Variants in TBC1D1 observed in about 807,000 individuals in gnomAD.
TBC1D1 encodes the protein TBC1 (tre-2/USP6, BUB2, cdc16) domain family, member 1.
TBC1D1 carries 89 observed loss-of-function variants against 125.6 expected under a neutral mutation model. That is an observed-to-expected ratio of 0.71 (90% CI 0.60 to 0.85). The LOEUF (loss-of-function observed/expected upper bound fraction) is 0.85. Ranked by LOEUF, TBC1D1 falls within the 40% of genes least tolerant of loss-of-function variation. The probability of loss-of-function intolerance (pLI) is 0.00; values close to 1 mark genes in which losing one functional copy is unlikely to be tolerated. For synonymous variants in TBC1D1, 565 were observed against 564.1 expected, an observed-to-expected ratio of 1.00 and a Z score of -0.02; for missense variants, 1,377 against 1,469.2, an observed-to-expected ratio of 0.94 and a Z score of 1.03.
chr4:38,056,281 C>T (rs1751691819), intron 12 of TBC1D1, among the ~76,000 whole-genome samples: 1 of 152,204 alleles, frequency 6.6e-6, no homozygotes, highest in South Asian at 2.1e-4. Flanking sequence ...TTGGGAACCC[C>T]TGGTCCGAGT....
At position 38,014,440 on chromosome 4, in the gene TBC1D1, T is replaced by A. The variant is rs559625923; in HGVS notation, c.418-69T>A. On this transcript the variant is annotated intron_variant, in intron 2 of 19. Coordinates refer to ENST00000261439, the MANE Select transcript of TBC1D1 (RefSeq NM_015173.4). This position sits in a 1 kb window ranked among gnomAD's most constrained non-coding sequence, Gnocchi z 5.1. ...GCCAGCGGGGCGTCCCGAAAGAGCATGGTGCATTCATTCCGTGAGTGCCAG... is the reference window on the plus strand; with the variant it reads ...GCCAGCGGGGCGTCCCGAAAGAGCAAGGTGCATTCATTCCGTGAGTGCCAG... The A allele has an allele frequency of 1.8e-3, 2,646 of 1,481,182 alleles. 5 individuals carry two copies. Among genetic ancestry groups the A allele is most frequent in the Non-Finnish European group, 2.2e-3 (2,366 of 1,073,454 alleles). 91.8% of individuals were successfully genotyped at this position (1,481,182 alleles called of 1,614,324 possible).
At chr4:37,996,042 C>A in intron 2 of TBC1D1, 1 of 514,672 alleles carries the variant, frequency 1.9e-6, no homozygotes, top group Non-Finnish European at 3.9e-6. Context: ...GGAGGTCAGG[C>A]AGCTACAATG....
chr4:38,000,740 A>G (rs1738887362), intron 2 of TBC1D1, among the ~76,000 whole-genome samples: 1 of 152,124 alleles, frequency 6.6e-6, no homozygotes, highest in Admixed American at 6.5e-5. Flanking sequence ...AAATTCTGAC[A>G]CTAACAACCT....
intron 2 of TBC1D1, among the ~76,000 whole-genome samples, chr4:37,989,949 A>G (rs1736218743): frequency 6.6e-6 from 1 of 152,248 alleles, no homozygotes; most frequent in African/African-American, 2.4e-5. Flanking sequence ...AGAGTTTCCA[A>G]TTTTGGAATA....
At chr4:37,897,060 A>G (rs1417138682) in intron 1 of TBC1D1, among the ~76,000 whole-genome samples, 2 of 152,160 alleles carry the variant, frequency 1.3e-5, no homozygotes, top group East Asian at 1.9e-4. Context: ...TTGGAATCAC[A>G]GTATTTCTTG....
At position 38,071,084 on chromosome 4, in the gene TBC1D1, C is replaced by A. The variant is rs1283214023; in HGVS notation, c.2050+16746C>A. 2.0e-5 allele frequency among the ~76,000 whole-genome samples: 3 copies of A among 152,274 alleles called. No individual in the cohort carries two copies. In the South Asian group the frequency reaches 6.2e-4, roughly 32 times the overall value. On this transcript the variant is annotated intron_variant, in intron 12 of 19. Coordinates refer to ENST00000261439, the MANE Select transcript of TBC1D1 (RefSeq NM_015173.4). Reference sequence around the variant, plus strand: ...GTGATTTGAGCTGAGAACATGGAACCCTTGATTTGCAGAAATCAAGCCCCC... The same window carrying A: ...GTGATTTGAGCTGAGAACATGGAACACTTGATTTGCAGAAATCAAGCCCCC...
intron 2 of TBC1D1, among the ~76,000 whole-genome samples, chr4:37,939,333 A>C (rs1049709284): frequency 1.3e-5 from 2 of 152,202 alleles, no homozygotes; most frequent in Non-Finnish European, 2.9e-5. Context: ...TCTTTTGAGA[A>C]GTGTCTGTTC....
chr4:38,011,952 G>T (rs1741599411), intron 2 of TBC1D1, among the ~76,000 whole-genome samples: 1 of 152,134 alleles, frequency 6.6e-6, no homozygotes, highest in Non-Finnish European at 1.5e-5. Flanking sequence ...AAATTCATGT[G>T]ACTTCACACA....
chr4:37,922,545 A>G (rs1343380228), intron 2 of TBC1D1, among the ~76,000 whole-genome samples: 1 of 152,162 alleles, frequency 6.6e-6, no homozygotes, highest in Non-Finnish European at 1.5e-5. Flanking sequence ...AGTAAGCCAG[A>G]CCACAGACCC....
At chr4:38,043,590 CAA>C (rs34854751) in intron 8 of TBC1D1, among the ~76,000 whole-genome samples, 7 of 142,652 alleles carry the variant, frequency 4.9e-5, no homozygotes, top group Non-Finnish European at 3.1e-5. Context: ...CACCCTGTCT[CAA>C]AAAAAAAAAA....
chr4:38,062,305 CT>C (rs1289080576), intron 12 of TBC1D1, among the ~76,000 whole-genome samples: 1 of 148,114 alleles, frequency 6.8e-6, no homozygotes, highest in African/African-American at 2.5e-5. Flanking sequence ...TGTTTTTGAT[CT>C]TGCTATAATA....
chr4:38,128,705 G>A (rs934503985), intron 18 of TBC1D1, among the ~76,000 whole-genome samples: 1 of 152,238 alleles, frequency 6.6e-6, no homozygotes, highest in South Asian at 2.1e-4. Flanking sequence ...AGCAGCCAGA[G>A]AGGGCAATTC....
chr4:38,119,988 A>G (rs1763585535), intron 17 of TBC1D1: 1 of 985,298 alleles, frequency 1.0e-6, no homozygotes, highest in South Asian at 4.7e-5. Context: ...AATGGGTAAA[A>G]AGACGTTAAC....
chr4:38,041,448 G>A (rs1178133951), intron 8 of TBC1D1, among the ~76,000 whole-genome samples: 2 of 152,156 alleles, frequency 1.3e-5, no homozygotes, highest in African/African-American at 4.8e-5. Context: ...ACCCAGTGAG[G>A]ACATTCCTCA....
At chr4:37,923,965 C>T (rs765988360) in intron 2 of TBC1D1, among the ~76,000 whole-genome samples, 1 of 152,230 alleles carries the variant, frequency 6.6e-6, no homozygotes, top group Non-Finnish European at 1.5e-5. Flanking sequence ...CAGGCGTGAG[C>T]CAATGCACCC....
chr4:38,100,270 ATTC>A (rs1760072774), intron 14 of TBC1D1, among the ~76,000 whole-genome samples: 1 of 152,224 alleles, frequency 6.6e-6, no homozygotes, highest in Non-Finnish European at 1.5e-5. Flanking sequence ...AGCAACAGAA[ATTC>A]TTCTCTCAGT....
At chr4:38,075,909 TC>T (rs926051698) in intron 12 of TBC1D1, among the ~76,000 whole-genome samples, 1 of 152,170 alleles carries the variant, frequency 6.6e-6, no homozygotes, top group African/African-American at 2.4e-5. Flanking sequence ...TTGTTTTTTT[TC>T]CCTTGGTCAC....
chr4:37,975,481 G>A (rs565105031), intron 2 of TBC1D1, among the ~76,000 whole-genome samples: 45 of 152,308 alleles, frequency 3.0e-4, no homozygotes, highest in African/African-American at 1.1e-3. Context: ...AGGTGGAGTA[G>A]TAGAGTCTTC....
chr4:38,134,367 C>A (rs1338584584), intron 19 of TBC1D1, among the ~76,000 whole-genome samples: 1 of 151,672 alleles, frequency 6.6e-6, no homozygotes, highest in Non-Finnish European at 1.5e-5. Flanking sequence ...TCCTGCCCAG[C>A]CCTAATAACC....
Sources: gnomAD v4.1 joint callset for allele counts (sites outside exome capture counted in the v4.1 genomes callset) on GRCh38, gnomAD v4.1.1 for gene constraint, Gnocchi (gnomAD v3.1) non-coding constraint, MANE v1.5 for transcripts, NCBI Gene and HGNC (gene_info 2026-07-23, HGNC 2026-07-21) for gene names.